EZH2: variants seen among roughly 807,000 people sequenced by gnomAD.
EZH2 encodes the protein enhancer of zeste 2 polycomb repressive complex 2 subunit.
A neutral mutation model predicts 98.4 loss-of-function variants in EZH2; 18 were observed. The observed-to-expected ratio is 0.18, with a 90% CI of 0.13 to 0.27. The LOEUF (loss-of-function observed/expected upper bound fraction) is 0.27, where lower values mean the gene tolerates loss of function less well. EZH2 is among the 10% of genes least tolerant of loss of function. EZH2 has a pLI of 1.00. For missense variants in EZH2, 470 were observed against 935.1 expected (o/e 0.50, Z 6.49); for synonymous variants, 338 against 312.3 (o/e 1.08, Z -0.87).
intron 8 of EZH2, among the ~76,000 whole-genome samples, chr7:148,825,297 T>C (rs540814574): frequency 1.3e-5 from 2 of 152,278 alleles, no homozygotes; most frequent in Admixed American, 6.5e-5. Flanking sequence ...AAGCAACAAA[T>C]GGATGACTTA....
At chr7:148,846,872 GTGTGTGTGTGTA>G (rs1814254193) in intron 2 of EZH2, among the ~76,000 whole-genome samples, 1 of 134,104 alleles carries the variant, frequency 7.5e-6, no homozygotes, top group African/African-American at 3.2e-5. Context: ...GTGTGTGTGT[GTGTGTGTGTGTA>G]TTTTTTTTTT....
chr7:148,856,508 G>A (rs181336713), intron 1 of EZH2, among the ~76,000 whole-genome samples: 1 of 152,162 alleles, frequency 6.6e-6, no homozygotes, highest in South Asian at 2.1e-4. Context: ...TGACACCCCA[G>A]GAGCAATAAA....
At chr7:148,828,643 A>C in intron 6 of EZH2, 97 bp downstream of exon 6, 1 of 1,424,712 alleles carries the variant, frequency 7.0e-7, no homozygotes, top group Non-Finnish European at 9.5e-7. Flanking sequence ...CAAAGAAAGA[A>C]AAAGAGAAAG....
intron 3 of EZH2, among the ~76,000 whole-genome samples, chr7:148,845,462 C>A (rs1813762616): frequency 6.6e-6 from 1 of 152,176 alleles, no homozygotes; most frequent in Non-Finnish European, 1.5e-5. Context: ...GACTAAGAAT[C>A]ATTCCAAGTG....
At chr7:148,824,566 T>C (rs559058252) in intron 8 of EZH2, among the ~76,000 whole-genome samples, 22 of 152,224 alleles carry the variant, frequency 1.4e-4, no homozygotes, top group Non-Finnish European at 2.2e-4. Flanking sequence ...CTGTACCATC[T>C]AGGTTTGTGT....
chr7:148,881,506 TCTCAATTGTAC>T (rs1449204917), intron 1 of EZH2, among the ~76,000 whole-genome samples: 1 of 152,188 alleles, frequency 6.6e-6, no homozygotes, highest in East Asian at 1.9e-4. Context: ...CTAAATACAT[TCTCAATTGTAC>T]CAGAAAATAA....
At chr7:148,875,177 T>C (rs1484050659) in intron 1 of EZH2, among the ~76,000 whole-genome samples, 3 of 152,228 alleles carry the variant, frequency 2.0e-5, no homozygotes, top group Admixed American at 6.5e-5. Context: ...AATATCCTTT[T>C]AGTTTACAAG....
intron 1 of EZH2, among the ~76,000 whole-genome samples, chr7:148,868,124 A>T (rs1443165131): frequency 1.3e-5 from 2 of 152,186 alleles, no homozygotes; most frequent in Non-Finnish European, 2.9e-5. Context: ...TCCAAACTGT[A>T]CCAACCTGTG....
At chr7:148,855,666 G>A (rs536563017) in intron 1 of EZH2, among the ~76,000 whole-genome samples, 44 of 152,188 alleles carry the variant, frequency 2.9e-4, no homozygotes, top group Non-Finnish European at 5.3e-4. Flanking sequence ...TTGGGAGACC[G>A]AGGCAGGTGG....
chr7:148,834,364 C>CATATATATATATAT (rs1563260319), intron 3 of EZH2, among the ~76,000 whole-genome samples: 3 of 149,134 alleles, frequency 2.0e-5, no homozygotes, highest in African/African-American at 7.6e-5. Context: ...CACACACACA[C>CATATATATATATAT]ACACACACAC....
At chr7:148,870,078 A>G (rs910246603) in intron 1 of EZH2, among the ~76,000 whole-genome samples, 6 of 152,192 alleles carry the variant, frequency 3.9e-5, no homozygotes, top group Non-Finnish European at 7.3e-5. Context: ...TCTTCATAGC[A>G]TAACTTGAGT....
At chr7:148,860,732 C>T (rs1441210842) in intron 1 of EZH2, among the ~76,000 whole-genome samples, 8 of 152,122 alleles carry the variant, frequency 5.3e-5, no homozygotes, top group African/African-American at 1.2e-4. Flanking sequence ...AGTGCACTGG[C>T]GCAATCACGG....
chr7:148,879,317 G>C (rs532660815), intron 1 of EZH2, among the ~76,000 whole-genome samples: 1 of 152,132 alleles, frequency 6.6e-6, no homozygotes, highest in African/African-American at 2.4e-5. Flanking sequence ...TTGGGAGGAC[G>C]AGGCAGGTCA....
At chr7:148,828,427 T>C (rs761090856) in intron 6 of EZH2, among the ~76,000 whole-genome samples, 1 of 152,048 alleles carries the variant, frequency 6.6e-6, no homozygotes, top group Non-Finnish European at 1.5e-5. Context: ...AGCCTACACC[T>C]CCTGGGCTCA....
In EZH2 at chr7:148,818,041, C is replaced by T. The variant is rs1158852320; in HGVS notation, c.1076G>A (p.Arg359Lys). 6.2e-7 allele frequency: 1 copy of T among 1,614,028 alleles called. No individual in the cohort carries two copies. Among genetic ancestry groups the T allele is most frequent in the Non-Finnish European group, 8.5e-7 (1 of 1,180,038 alleles). ...KTPPKRPGGR[R>K]RGRLPNNSSR... ...ACTGTTATTGGGAAGCCGTCCTCTTCTGCGGCCTCCTGGACGTTTTGGTGG... is the reference window on the plus strand; with the variant it reads ...ACTGTTATTGGGAAGCCGTCCTCTTTTGCGGCCTCCTGGACGTTTTGGTGG... The change falls in exon 10 of 20, where the codon AGA (arginine) becomes AAA (lysine). Residue 359 changes from arginine (R) to lysine (K), a missense_variant. Arg to Lys is a conservative substitution (Grantham distance 26). Transcript: ENST00000320356.
chr7:148,864,205 A>C (rs1057387718), intron 1 of EZH2, among the ~76,000 whole-genome samples: 1 of 152,220 alleles, frequency 6.6e-6, no homozygotes. Context: ...GCAAGACAGT[A>C]AACTATTGAT....
chr7:148,839,073 G>GAAGGAAGT (rs769423021), intron 3 of EZH2, among the ~76,000 whole-genome samples: 7 of 138,448 alleles, frequency 5.1e-5, no homozygotes, highest in African/African-American at 1.6e-4. Context: ...AGGAAGGAAG[G>GAAGGAAGT]AAGGAAGGAA....
intron 1 of EZH2, among the ~76,000 whole-genome samples, chr7:148,854,115 A>C (rs1033434945): frequency 3.3e-5 from 5 of 152,230 alleles, no homozygotes; most frequent in Non-Finnish European, 7.3e-5. Context: ...ATTTGAAAAA[A>C]GTCCCATAGG....
intron 8 of EZH2, among the ~76,000 whole-genome samples, chr7:148,823,571 T>TAAA (rs1806787005): frequency 6.6e-6 from 1 of 150,958 alleles, no homozygotes; most frequent in Admixed American, 6.6e-5. Context: ...TAACTACTAA[T>TAAA]AAAAGTGGAA....
Sources: gnomAD v4.1 joint callset for allele counts (sites outside exome capture counted in the v4.1 genomes callset) on GRCh38, gnomAD v4.1.1 for gene constraint, MANE v1.5 for transcripts, NCBI Gene and HGNC (gene_info 2026-07-23, HGNC 2026-07-21) for gene names.